Variants in PCDHA1 observed in about 807,000 individuals in gnomAD.
The protein encoded by PCDHA1 is protocadherin alpha-1.
In PCDHA1, 42 loss-of-function variants were observed where a neutral mutation model predicts 61.3. That is an observed-to-expected ratio of 0.69 (90% CI 0.54 to 0.89). PCDHA1 has a LOEUF of 0.89. PCDHA1 is among the 40% of genes least tolerant of loss of function. The pLI, the probability that PCDHA1 is intolerant of heterozygous loss-of-function variation, is 0.00. For synonymous variants in PCDHA1, 610 were observed against 553.8 expected (o/e 1.10, Z -1.43); for missense variants, 1,256 against 1,235.3 (o/e 1.02, Z -0.25).
intron 3 of PCDHA1, among the ~76,000 whole-genome samples, chr5:141,005,035 GT>G (rs1272983494): frequency 6.6e-6 from 1 of 152,194 alleles, no homozygotes; most frequent in African/African-American, 2.4e-5. Context: ...TTGCCCATAT[GT>G]GATACCATTT....
At chr5:140,937,821 A>G (rs1270019197) in intron 1 of PCDHA1, among the ~76,000 whole-genome samples, 2 of 151,608 alleles carry the variant, frequency 1.3e-5, no homozygotes, top group Non-Finnish European at 2.9e-5. Flanking sequence ...CTGAGGCAGG[A>G]GAATGGCATG....
chr5:140,852,779 T>C, intron 1 of PCDHA1: 1 of 979,786 alleles, frequency 1.0e-6, no homozygotes, highest in South Asian at 4.8e-5. Flanking sequence ...TTGATGTGAA[T>C]AGAGGGATGC....
At chr5:140,843,816 A>T in intron 1 of PCDHA1, 1 of 1,230,332 alleles carries the variant, frequency 8.1e-7, no homozygotes, top group Non-Finnish European at 1.1e-6. Context: ...TTTATAGTGA[A>T]AATTTAAACA....
intron 1 of PCDHA1, chr5:140,816,468 A>G (rs1321714228): frequency 6.6e-6 from 1 of 151,952 alleles, no homozygotes; most frequent in African/African-American, 2.4e-5. Context: ...AGTAATTCAC[A>G]TAGCTCTATT....
intron 1 of PCDHA1, among the ~76,000 whole-genome samples, chr5:140,936,335 A>G (rs1278918836): frequency 2.0e-5 from 3 of 152,176 alleles, no homozygotes; most frequent in South Asian, 2.1e-4. Context: ...AATTTTCTCT[A>G]TCTGCATATA....
At chr5:140,873,336 C>A (rs1436932142) in intron 1 of PCDHA1, among the ~76,000 whole-genome samples, 1 of 152,168 alleles carries the variant, frequency 6.6e-6, no homozygotes, top group African/African-American at 2.4e-5. Flanking sequence ...ATACATTACT[C>A]ATCTCCAGAT....
chr5:140,822,270 A>C (rs2150115049), intron 1 of PCDHA1: 1 of 1,614,138 alleles, frequency 6.2e-7, no homozygotes, highest in Non-Finnish European at 8.5e-7. Flanking sequence ...GAGCAAATGC[A>C]CAATTGAGAT....
chr5:140,814,824 T>G (rs1554126612), intron 1 of PCDHA1: 2 of 152,246 alleles, frequency 1.3e-5, no homozygotes, highest in Non-Finnish European at 2.9e-5. Context: ...TTGCTATCTA[T>G]TTCTCCATTT....
chr5:140,851,914 A>C (rs1213624827), intron 1 of PCDHA1: 2 of 969,578 alleles, frequency 2.1e-6, no homozygotes, highest in East Asian at 2.3e-4. Context: ...ATGTCACTAC[A>C]TGTTATGTTT....
chr5:141,010,226 C>T lies in PCDHA1; in HGVS notation c.*289C>T, dbSNP rs1386050566. ...CGCCGCAAAGGAGAGGCTTCCCAGC[C>T]CCGCCAGTGAGAGGTTGGACTCTCT... On this transcript the variant is annotated 3_prime_UTR_variant, in exon 4 of 4. Transcript: ENST00000504120. 6.4e-7 allele frequency: 1 copy of T among 1,551,824 alleles called. No homozygotes were observed. Among genetic ancestry groups the T allele is most frequent in the Admixed American group, 2.0e-5 (1 of 51,014 alleles).
chr5:141,000,647 C>G (rs1442819157), intron 3 of PCDHA1, among the ~76,000 whole-genome samples: 1 of 151,182 alleles, frequency 6.6e-6, no homozygotes, highest in Non-Finnish European at 1.5e-5. Context: ...AGGCTGGTCT[C>G]GAACTCCTGA....
At chr5:140,846,639 G>C (rs1780602626) in intron 1 of PCDHA1, among the ~76,000 whole-genome samples, 2 of 149,172 alleles carry the variant, frequency 1.3e-5, no homozygotes, top group Non-Finnish European at 1.5e-5. Context: ...CTCCTAAAGT[G>C]CTGGGATTAC....
At chr5:140,821,907 T>A in intron 1 of PCDHA1, 1 of 1,614,212 alleles carries the variant, frequency 6.2e-7, no homozygotes, top group Non-Finnish European at 8.5e-7. Flanking sequence ...GAACCTTCGT[T>A]GGCCGCATCG....
intron 1 of PCDHA1, chr5:140,861,660 G>A: frequency 3.7e-6 from 1 of 269,190 alleles, no homozygotes; most frequent in Non-Finnish European, 7.4e-6. Context: ...TCTGAAACGA[G>A]AGCTCTTGAT....
chr5:140,871,873 A>G (rs529401892), intron 1 of PCDHA1, among the ~76,000 whole-genome samples: 44 of 152,336 alleles, frequency 2.9e-4, no homozygotes, highest in African/African-American at 1.0e-3. Flanking sequence ...GATTATTTAA[A>G]TTTGCTCCTC....
At chr5:140,823,997 C>G (rs2150131247) in intron 1 of PCDHA1, 5 of 1,614,108 alleles carry the variant, frequency 3.1e-6, no homozygotes, top group Non-Finnish European at 3.4e-6. Flanking sequence ...CTGTTGTGCT[C>G]CAGCGCGGTG....
intron 1 of PCDHA1, chr5:140,843,106 C>T: frequency 1.9e-6 from 3 of 1,595,704 alleles, no homozygotes; most frequent in Non-Finnish European, 2.6e-6. Context: ...CGAAGGTGCG[C>T]GCAGTGGACG....
intron 1 of PCDHA1, chr5:140,858,104 G>T: frequency 6.3e-7 from 1 of 1,597,736 alleles, no homozygotes; most frequent in Non-Finnish European, 8.6e-7. Context: ...AGTGGGCGTG[G>T]CGCCCGAGGT....
chr5:140,927,481 G>T, intron 1 of PCDHA1: 1 of 1,614,072 alleles, frequency 6.2e-7, no homozygotes, highest in Non-Finnish European at 8.5e-7. Context: ...CGAACAGCGC[G>T]CCACCCACCT....
Sources: gnomAD v4.1 joint callset for allele counts (sites outside exome capture counted in the v4.1 genomes callset) on GRCh38, gnomAD v4.1.1 for gene constraint, MANE v1.5 for transcripts, NCBI Gene and HGNC (gene_info 2026-07-23, HGNC 2026-07-21) for gene names.